Variants in HDAC9 observed in about 807,000 individuals in gnomAD.
HDAC9 encodes the protein histone deacetylase 9.
Under a neutral mutation model 139.4 loss-of-function variants are expected in HDAC9, and 41 were observed. That is an observed-to-expected ratio of 0.29 (90% CI 0.23 to 0.38). The LOEUF (loss-of-function observed/expected upper bound fraction) is 0.38. HDAC9 is among the 10% of genes least tolerant of loss of function. The pLI, the probability that HDAC9 is intolerant of heterozygous loss-of-function variation, is 1.00. For synonymous variants in HDAC9, 517 were observed against 476.2 expected (o/e 1.09, Z -1.12); for missense variants, 1,147 against 1,297.0 (o/e 0.88, Z 1.78).
intron 2 of HDAC9, among the ~76,000 whole-genome samples, chr7:18,568,373 G>C (rs1823154861): frequency 6.6e-6 from 1 of 152,156 alleles, no homozygotes; most frequent in Non-Finnish European, 1.5e-5. Flanking sequence ...ACTGTAACCT[G>C]TCTAGTGCTC....
intron 6 of HDAC9, among the ~76,000 whole-genome samples, chr7:18,619,308 A>T (rs1198792357): frequency 6.6e-6 from 1 of 152,140 alleles, no homozygotes; most frequent in Non-Finnish European, 1.5e-5. Context: ...TCTTCTCAAC[A>T]ATATTTGAGA....
chr7:18,139,766 T>A (rs1199602561), intron 1 of HDAC9, among the ~76,000 whole-genome samples: 1 of 152,124 alleles, frequency 6.6e-6, no homozygotes, highest in African/African-American at 2.4e-5. Context: ...CACATGTATC[T>A]TATAAAGAGG....
intron 1 of HDAC9, among the ~76,000 whole-genome samples, chr7:18,337,882 G>A (rs182780251): frequency 8.8e-4 from 134 of 151,692 alleles, no homozygotes; most frequent in African/African-American, 3.2e-3. Flanking sequence ...TGGATAAATC[G>A]CTTAACTTCT....
chr7:18,155,301 C>T (rs1377652768), intron 1 of HDAC9, among the ~76,000 whole-genome samples: 1 of 152,002 alleles, frequency 6.6e-6, no homozygotes, highest in Non-Finnish European at 1.5e-5. Context: ...ATAAAATGAT[C>T]TTTATGATGT....
At chr7:18,620,587 A>C (rs1442874799) in intron 6 of HDAC9, among the ~76,000 whole-genome samples, 1 of 151,990 alleles carries the variant, frequency 6.6e-6, no homozygotes, top group Non-Finnish European at 1.5e-5. Context: ...TCACTCCGTA[A>C]ACTTTTACTG....
At chr7:18,749,189 A>G in intron 14 of HDAC9, 51 bp downstream of exon 14, 1 of 1,575,584 alleles carries the variant, frequency 6.3e-7, no homozygotes, top group Middle Eastern at 1.7e-4. Flanking sequence ...AATCATGTAA[A>G]GAGGCCAGTA....
At chr7:18,714,521 C>G (rs565153430) in intron 12 of HDAC9, among the ~76,000 whole-genome samples, 1 of 152,298 alleles carries the variant, frequency 6.6e-6, no homozygotes, top group East Asian at 1.9e-4. Context: ...AAGGGCTATT[C>G]ACCCTTATGA....
chr7:18,394,499 G>C (rs1371153427), intron 1 of HDAC9, among the ~76,000 whole-genome samples: 1 of 152,110 alleles, frequency 6.6e-6, no homozygotes, highest in East Asian at 1.9e-4. Flanking sequence ...ATCCCCTGTG[G>C]AGTTCTTAAA....
At chr7:18,206,167 C>T (rs992193102) in intron 2 of HDAC9, among the ~76,000 whole-genome samples, 4 of 152,090 alleles carry the variant, frequency 2.6e-5, no homozygotes, top group African/African-American at 7.2e-5. Context: ...TCATGGAAAC[C>T]TGTGACTGAT....
chr7:18,322,104 A>G (rs1800071713), intron 1 of HDAC9, among the ~76,000 whole-genome samples: 1 of 152,150 alleles, frequency 6.6e-6, no homozygotes, highest in Admixed American at 6.5e-5. Context: ...CATTTAGAAC[A>G]ATATCATCTA....
intron 25 of HDAC9, among the ~76,000 whole-genome samples, chr7:18,989,889 T>C (rs1357008154): frequency 6.6e-6 from 1 of 150,894 alleles, no homozygotes; most frequent in East Asian, 1.9e-4. Context: ...TCTTGAGCCT[T>C]GGTTTTCAGC....
intron 1 of HDAC9, among the ~76,000 whole-genome samples, chr7:18,305,488 C>T (rs2128618543): frequency 6.6e-6 from 1 of 152,318 alleles, no homozygotes; most frequent in East Asian, 1.9e-4. Context: ...TAGAAATCCA[C>T]ATTCACATTT....
At chr7:18,760,320 C>T (rs545478150) in intron 14 of HDAC9, among the ~76,000 whole-genome samples, 1 of 152,236 alleles carries the variant, frequency 6.6e-6, no homozygotes, top group East Asian at 1.9e-4. Context: ...TTAATGTTGC[C>T]TTCGAATTTT....
At chr7:18,416,081 G>C (rs1789031881) in intron 1 of HDAC9, among the ~76,000 whole-genome samples, 1 of 152,102 alleles carries the variant, frequency 6.6e-6, no homozygotes, top group Non-Finnish European at 1.5e-5. Context: ...ATCACCTGAG[G>C]TCAGGAGTTT....
intron 25 of HDAC9, among the ~76,000 whole-genome samples, chr7:18,993,060 G>A (rs1786120383): frequency 6.7e-6 from 1 of 150,070 alleles, no homozygotes; most frequent in South Asian, 2.1e-4. Flanking sequence ...TCCAAACACA[G>A]CCATTAAAGG....
At chr7:18,685,798 G>A (rs1368824687) in intron 12 of HDAC9, among the ~76,000 whole-genome samples, 1 of 151,822 alleles carries the variant, frequency 6.6e-6, no homozygotes, top group Non-Finnish European at 1.5e-5. Flanking sequence ...AACTAAATTA[G>A]TCATAAAATA....
At chr7:18,666,708 G>T in intron 12 of HDAC9, 1 of 1,295,014 alleles carries the variant, frequency 7.7e-7, no homozygotes, top group Non-Finnish European at 9.8e-7. Flanking sequence ...AAAATCCACT[G>T]GTAAGGAAAT....
At chr7:18,340,451 T>C (rs1781919279) in intron 1 of HDAC9, among the ~76,000 whole-genome samples, 1 of 151,622 alleles carries the variant, frequency 6.6e-6, no homozygotes, top group South Asian at 2.1e-4. Flanking sequence ...TTTTTACTTT[T>C]GTACCTTTTT....
chr7:18,890,416 T>C (rs1002024788), intron 22 of HDAC9, among the ~76,000 whole-genome samples: 1 of 152,200 alleles, frequency 6.6e-6, no homozygotes, highest in Admixed American at 6.5e-5. Context: ...TTTGGAGATT[T>C]GTTTTGGAGA....
Sources: allele counts gnomAD v4.1 joint callset (sites outside exome capture counted in the v4.1 genomes callset), GRCh38; gene constraint gnomAD v4.1.1; transcripts MANE v1.5; gene names NCBI Gene and HGNC (gene_info 2026-07-23, HGNC 2026-07-21).